LINGO1: variants seen among roughly 807,000 people sequenced by gnomAD.
LINGO1 encodes leucine-rich repeat and immunoglobulin-like domain-containing nogo receptor-interacting protein 1.
Under a neutral mutation model 37.3 loss-of-function variants are expected in LINGO1, and 11 were observed. The ratio of observed to expected loss-of-function variants is 0.29; its 90% confidence interval spans 0.19 to 0.49. LINGO1 has a LOEUF of 0.49. LINGO1 is among the 20% of genes least tolerant of loss of function. The pLI is 0.99. For synonymous variants in LINGO1, 387 were observed against 403.0 expected, an observed-to-expected ratio of 0.96 and a Z score of 0.48; for missense variants, 585 against 878.2, an observed-to-expected ratio of 0.67 and a Z score of 4.22.
At chr15:77,735,209 A>C (rs940699161) in intron 1 of LINGO1, among the ~76,000 whole-genome samples, 1 of 152,222 alleles carries the variant, frequency 6.6e-6, no homozygotes, top group African/African-American at 2.4e-5. Flanking sequence ...TGCCCTCTGG[A>C]AGCTTGCGGG....
chr15:77,741,885 C>T (rs1043316037), intron 1 of LINGO1, among the ~76,000 whole-genome samples: 1 of 152,204 alleles, frequency 6.6e-6, no homozygotes, highest in Non-Finnish European at 1.5e-5. Flanking sequence ...TTCCCAAGAC[C>T]TCAGCTGAAA....
intron 1 of LINGO1, among the ~76,000 whole-genome samples, chr15:77,624,115 G>A (rs1469032384): frequency 4.2e-5 from 6 of 144,526 alleles, no homozygotes; most frequent in South Asian, 2.2e-4. Flanking sequence ...TGTGGAGTGC[G>A]AGTAGTCTGT....
At chr15:77,648,203 A>C in intron 3 of LINGO1, 1 of 305,288 alleles carries the variant, frequency 3.3e-6, no homozygotes, top group African/African-American at 2.2e-5. Flanking sequence ...ATTAACATAC[A>C]AGTTACCATT....
intron 3 of LINGO1, among the ~76,000 whole-genome samples, chr15:77,676,061 G>C (rs866125824): frequency 4.6e-5 from 7 of 152,260 alleles, no homozygotes; most frequent in East Asian, 1.9e-4. Context: ...AGAGCCAGAG[G>C]GGGGAAGACG....
At chr15:77,689,235 G>C (rs1016072821) in intron 2 of LINGO1, among the ~76,000 whole-genome samples, 1 of 150,918 alleles carries the variant, frequency 6.6e-6, no homozygotes, top group Non-Finnish European at 1.5e-5. Context: ...AAGGGGCCAA[G>C]GTCCCATCCC....
intron 1 of LINGO1, among the ~76,000 whole-genome samples, chr15:77,774,197 G>T (rs1237527519): frequency 6.6e-6 from 1 of 152,052 alleles, no homozygotes; most frequent in Admixed American, 6.5e-5. Flanking sequence ...AGTGTGCACG[G>T]AGGAAGTTAA....
chr15:77,722,128 G>A (rs879817132), intron 2 of LINGO1, among the ~76,000 whole-genome samples: 3 of 152,164 alleles, frequency 2.0e-5, no homozygotes, highest in Admixed American at 6.5e-5. Flanking sequence ...TCCCTGAAAA[G>A]GTGCTTATTT....
chr15:77,732,982 GTCCCT>G (rs2076168212), intron 2 of LINGO1, among the ~76,000 whole-genome samples: 1 of 152,224 alleles, frequency 6.6e-6, no homozygotes, highest in Non-Finnish European at 1.5e-5. Context: ...ATTGGAGCCT[GTCCCT>G]TCCCAGCTCT....
intron 3 of LINGO1, among the ~76,000 whole-genome samples, chr15:77,639,648 G>T (rs1035287472): frequency 6.6e-6 from 1 of 152,136 alleles, no homozygotes; most frequent in Non-Finnish European, 1.5e-5. Context: ...AGTGAAAACA[G>T]CTATGTTGGA....
At position 77,632,782 on chromosome 15, in the gene LINGO1, C is replaced by A. The variant is rs1596018700; in HGVS notation, c.-467G>T. ...CGGAGCGGCGCGGGTGGGGACTCCG[C>A]GCCCTCCGGGGCCGGGACCAGGACC... On this transcript the variant is annotated 5_prime_UTR_variant, in exon 1 of 2. Transcript: ENST00000355300. The surrounding 1 kb of genome is among the most constrained non-coding windows in gnomAD (Gnocchi z 6.0). Among the ~76,000 whole-genome samples the A allele has an allele frequency of 6.8e-6, 1 of 146,308 alleles. No individual in the cohort carries two copies. Among genetic ancestry groups the A allele is most frequent in the African/African-American group, 2.5e-5 (1 of 40,726 alleles).
rs114396114 is a variant in LINGO1 at position 77,642,453 on chromosome 15, G to C, written c.-12-26553C>G. On this transcript the variant is annotated intron_variant, in intron 3 of 3. Coordinates refer to the LINGO1 transcript ENST00000559893. ...TGGCATTTTGGCTCCTCTATGTGAA[G>C]AGCTTGGAAGGCCACTTCCCCTCAG... Among the ~76,000 whole-genome samples, 617 of 152,364 alleles carry C rather than the reference G, an allele frequency of 4.0e-3. 4 individuals are homozygous for C. The highest frequency in any genetic ancestry group is 0.014 in the African/African-American group (588 of 41,584).
intron 1 of LINGO1, among the ~76,000 whole-genome samples, chr15:77,786,477 G>A (rs972167703): frequency 6.6e-6 from 1 of 152,210 alleles, no homozygotes; most frequent in Non-Finnish European, 1.5e-5. Context: ...CCAGGCCTCT[G>A]GGGAGTGCCT....
At chr15:77,719,083 C>T (rs2076018497) in intron 2 of LINGO1, among the ~76,000 whole-genome samples, 1 of 150,124 alleles carries the variant, frequency 6.7e-6, no homozygotes, top group Non-Finnish European at 1.5e-5. Flanking sequence ...GGCGGAGGGT[C>T]CAGAGAGAAC....
At chr15:77,718,735 C>G (rs2076014632) in intron 2 of LINGO1, among the ~76,000 whole-genome samples, 1 of 150,734 alleles carries the variant, frequency 6.6e-6, no homozygotes, top group South Asian at 2.1e-4. Context: ...ATCATAACCC[C>G]CTGGGGTCAG....
intron 1 of LINGO1, among the ~76,000 whole-genome samples, chr15:77,752,702 T>G (rs1301229877): frequency 6.6e-6 from 1 of 152,198 alleles, no homozygotes; most frequent in African/African-American, 2.4e-5. Context: ...CAGAGCAGGC[T>G]GTAGCACTGT....
intron 2 of LINGO1, among the ~76,000 whole-genome samples, chr15:77,684,149 C>T (rs1332826150): frequency 1.3e-5 from 2 of 152,206 alleles, no homozygotes; most frequent in South Asian, 2.1e-4. Context: ...AACACTCCCC[C>T]ACACTCTGCC....
At chr15:77,706,845 G>A (rs777806136) in intron 2 of LINGO1, among the ~76,000 whole-genome samples, 8 of 152,228 alleles carry the variant, frequency 5.3e-5, no homozygotes, top group Non-Finnish European at 8.8e-5. Context: ...TCCCTGCTGA[G>A]GAGCAGACCA....
At chr15:77,798,880 T>C (rs1006243479) in intron 1 of LINGO1, among the ~76,000 whole-genome samples, 18 of 152,164 alleles carry the variant, frequency 1.2e-4, no homozygotes, top group Non-Finnish European at 2.4e-4. Flanking sequence ...ACAAAGTGGG[T>C]TCAGCACTGA....
chr15:77,776,067 C>G (rs1030050107), intron 1 of LINGO1, among the ~76,000 whole-genome samples: 8 of 152,192 alleles, frequency 5.3e-5, no homozygotes, highest in Non-Finnish European at 1.2e-4. Flanking sequence ...GCCGCCACCA[C>G]CACGGCTGTT....
Sources: gnomAD v4.1 joint callset for allele counts (sites outside exome capture counted in the v4.1 genomes callset) on GRCh38, gnomAD v4.1.1 for gene constraint, Gnocchi (gnomAD v3.1) non-coding constraint, MANE v1.5 for transcripts, NCBI Gene and HGNC (gene_info 2026-07-23, HGNC 2026-07-21) for gene names.